ARNT2: variants seen among roughly 807,000 people sequenced by gnomAD.
ARNT2 encodes the protein aryl hydrocarbon receptor nuclear translocator 2.
In ARNT2, 36 loss-of-function variants were observed where a neutral mutation model predicts 91.7. The ratio of observed to expected loss-of-function variants is 0.39; its 90% CI spans 0.30 to 0.52. ARNT2 has a LOEUF of 0.52. ARNT2 is among the 20% of genes least tolerant of loss of function. ARNT2 has a pLI of 0.72. For missense variants in ARNT2, 775 were observed against 939.3 expected, an observed-to-expected ratio of 0.83 and a Z score of 2.29; for synonymous variants, 365 against 347.1, an observed-to-expected ratio of 1.05 and a Z score of -0.57.
intron 2 of ARNT2, among the ~76,000 whole-genome samples, chr15:80,454,759 C>A (rs1028681064): frequency 6.6e-6 from 1 of 152,156 alleles, no homozygotes; most frequent in African/African-American, 2.4e-5. Context: ...TGTTTAGAGG[C>A]TCGTATTTGA....
rs991695948 is a variant in ARNT2 at position 80,564,132 on chromosome 15, C to A, written c.1316+893C>A. Among the ~76,000 whole-genome samples the A allele has an allele frequency of 3.3e-5, 5 of 152,288 alleles. No homozygotes were observed. In the Middle Eastern group the frequency reaches 0.01, roughly 311 times the overall value. On this transcript the variant is annotated intron_variant, in intron 12 of 18. Transcript: ENST00000303329. ...AAGGGTATGAGATGAGGCTGGCATC[C>A]GGAGAACTGTCCCCATGTCTCACCA... is the stretch of plus-strand genomic sequence containing the variant.
chr15:80,470,121 G>A (rs2141394396), intron 3 of ARNT2, 97 bp from the exon 4 acceptor site: 2 of 1,271,264 alleles, frequency 1.6e-6, no homozygotes, highest in Non-Finnish European at 2.2e-6. Context: ...CTAGTTCCTG[G>A]TCATTTGGTG....
In ARNT2 at chr15:80,450,945, G is replaced by C. The variant is rs372933117; in HGVS notation, c.97G>C (p.Val33Leu). 14 of 1,614,100 alleles carry C rather than the reference G, an allele frequency of 8.7e-6. No individual in the cohort carries two copies. The highest frequency in any genetic ancestry group is 1.2e-5 in the Non-Finnish European group (14 of 1,180,064). Residue 33 changes from valine to leucine, a missense_variant, in exon 2 of 19, where the codon GTG (valine) becomes CTG (leucine). Transcript: ENST00000303329. ...PVAPMAATGQVRMAGAMPARG... is the reference protein window; with the variant it reads ...PVAPMAATGQLRMAGAMPARG... ...TGCCCCCATGGCGGCCACCGGACAGGTGAGGATGGCGGGGGCCATGCCTGC... is the reference window on the plus strand; with the variant it reads ...TGCCCCCATGGCGGCCACCGGACAGCTGAGGATGGCGGGGGCCATGCCTGC...
intron 1 of ARNT2, among the ~76,000 whole-genome samples, chr15:80,446,232 T>C (rs943999597): frequency 6.6e-6 from 1 of 152,094 alleles, no homozygotes; most frequent in Non-Finnish European, 1.5e-5. Context: ...GAAAAGACGT[T>C]CTGTGCTAGG....
At chr15:80,486,468 A>T (rs544113691) in intron 5 of ARNT2, among the ~76,000 whole-genome samples, 19 of 152,302 alleles carry the variant, frequency 1.2e-4, no homozygotes, top group South Asian at 2.1e-4. Context: ...ATAGTGTTTT[A>T]AAAAAGCTGA....
chr15:80,427,753 T>A (rs1305903241), intron 1 of ARNT2, among the ~76,000 whole-genome samples: 1 of 152,208 alleles, frequency 6.6e-6, no homozygotes, highest in African/African-American at 2.4e-5. Context: ...TTGGTATATT[T>A]CTAGGGACAT....
At chr15:80,499,547 C>T (rs1897163715) in intron 5 of ARNT2, among the ~76,000 whole-genome samples, 1 of 152,206 alleles carries the variant, frequency 6.6e-6, no homozygotes, top group African/African-American at 2.4e-5. Flanking sequence ...TTTTGTTCTC[C>T]TAGACCCCAT....
At chr15:80,520,557 A>AT (rs1897525419) in intron 8 of ARNT2, among the ~76,000 whole-genome samples, 2 of 107,796 alleles carry the variant, frequency 1.9e-5, no homozygotes, top group Admixed American at 1.0e-4. Flanking sequence ...TGTTCTTACC[A>AT]CAAAAAAAAA....
chr15:80,508,192 A>G lies in ARNT2; in HGVS notation c.659A>G (p.Lys220Arg), dbSNP rs753686433. 4.3e-6 allele frequency: 7 copies of G among 1,614,004 alleles called. No homozygotes were observed. Among genetic ancestry groups the G allele is most frequent in the Admixed American group, 1.7e-5 (1 of 59,992 alleles). Residue 220 changes from lysine (K) to arginine (R), a missense_variant, in exon 6 of 19, where the codon AAA becomes AGA. Lys to Arg is a conservative substitution (Grantham distance 26). Coordinates refer to ENST00000303329, the MANE Select transcript of ARNT2 (RefSeq NM_014862.4). The part of the protein sequence containing the change: ...ILDLKTGTVK[K>R]EGQQSSMRMC... ...GACCTGAAGACTGGGACGGTCAAGA[A>G]AGAAGGGCAGCAGTCATCCATGAGG...
intron 12 of ARNT2, among the ~76,000 whole-genome samples, chr15:80,563,874 C>G (rs887019614): frequency 6.6e-6 from 1 of 152,212 alleles, no homozygotes; most frequent in Non-Finnish European, 1.5e-5. Flanking sequence ...CTCTCTTCAC[C>G]TCCCTCATAA....
intron 12 of ARNT2, among the ~76,000 whole-genome samples, chr15:80,570,982 C>G (rs1898573760): frequency 6.6e-6 from 1 of 152,176 alleles, no homozygotes; most frequent in Non-Finnish European, 1.5e-5. Context: ...CACACCAGGG[C>G]CATCAGCACA....
chr15:80,587,209 C>A (rs1244699239), intron 17 of ARNT2, among the ~76,000 whole-genome samples: 1 of 152,084 alleles, frequency 6.6e-6, no homozygotes, highest in Non-Finnish European at 1.5e-5. Flanking sequence ...TTTGGTGCAC[C>A]TTGTTACTTT....
intron 6 of ARNT2, among the ~76,000 whole-genome samples, chr15:80,512,926 T>G (rs1356736991): frequency 1.3e-5 from 2 of 152,072 alleles, no homozygotes; most frequent in African/African-American, 4.8e-5. Context: ...TTCCTCCAAA[T>G]GAAACAGCTA....
chr15:80,528,641 G>T (rs80349454), intron 8 of ARNT2, among the ~76,000 whole-genome samples: 1 of 152,040 alleles, frequency 6.6e-6, no homozygotes, highest in Non-Finnish European at 1.5e-5. Context: ...GGTGGTGGGG[G>T]ATCTGTGAGT....
chr15:80,416,627 TTTG>T (rs1433637889), intron 1 of ARNT2, among the ~76,000 whole-genome samples: 1 of 85,110 alleles, frequency 1.2e-5, no homozygotes, highest in Non-Finnish European at 3.2e-5. Flanking sequence ...CTCAGTTTTT[TTTG>T]TTTGTTTGTT....
At position 80,404,439 on chromosome 15, in the gene ARNT2, C is replaced by A; in HGVS notation, c.-77C>A. ...CGGCGGCGCCTGGGCCTGACCGGGT[C>A]CCCGGGGCTGAGCGCCGGGCTCCGC... On this transcript the variant is annotated 5_prime_UTR_variant, in exon 1 of 19. Transcript: ENST00000303329. The surrounding 1 kb of genome is among the most constrained non-coding windows in gnomAD (Gnocchi z 5.5). 1 of 1,036,252 alleles carries A rather than the reference C, an allele frequency of 9.7e-7. No individual in the cohort carries two copies. The highest frequency in any genetic ancestry group is 2.4e-5 in the South Asian group (1 of 42,208). The allele number at this position is 1,036,252 out of a possible 1,614,324, so 64.2% of individuals were successfully genotyped here.
At chr15:80,512,223 G>A (rs1897353211) in intron 6 of ARNT2, among the ~76,000 whole-genome samples, 1 of 152,208 alleles carries the variant, frequency 6.6e-6, no homozygotes, top group Non-Finnish European at 1.5e-5. Context: ...CCTGTGCTGA[G>A]GGGAGACCTG....
chr15:80,568,763 C>T (rs1315103030), intron 12 of ARNT2, among the ~76,000 whole-genome samples: 1 of 152,238 alleles, frequency 6.6e-6, no homozygotes, highest in Non-Finnish European at 1.5e-5. Flanking sequence ...CAGGTTCTAC[C>T]TGCGATTCTC....
chr15:80,446,651 C>T (rs975850242), intron 1 of ARNT2, among the ~76,000 whole-genome samples: 1 of 152,290 alleles, frequency 6.6e-6, no homozygotes, highest in African/African-American at 2.4e-5. Context: ...CGGTCCCTGC[C>T]GAGTTTCCTA....
Sources: gnomAD v4.1 joint callset for allele counts (sites outside exome capture counted in the v4.1 genomes callset) on GRCh38, gnomAD v4.1.1 for gene constraint, Gnocchi (gnomAD v3.1) non-coding constraint, MANE v1.5 for transcripts, NCBI Gene and HGNC (gene_info 2026-07-23, HGNC 2026-07-21) for gene names.